The following PPIE variants were observed in gnomAD, a reference collection of about 807,000 sequenced individuals.
PPIE encodes peptidyl-prolyl cis-trans isomerase E.
A neutral mutation model predicts 38.4 loss-of-function variants in PPIE; 20 were observed. The observed-to-expected ratio is 0.52, with a 90% confidence interval of 0.37 to 0.76. PPIE has a LOEUF of 0.76. PPIE is among the 30% of genes least tolerant of loss of function. The pLI, the probability that PPIE is intolerant of heterozygous loss-of-function variation, is 0.00. For synonymous variants in PPIE, 142 were observed against 135.7 expected, an observed-to-expected ratio of 1.05 and a Z score of -0.32; for missense variants, 322 against 385.8, an observed-to-expected ratio of 0.83 and a Z score of 1.39.
chr1:39,760,898 T>A (rs902097911), downstream of PPIE, among the ~76,000 whole-genome samples: 1 of 152,036 alleles, frequency 6.6e-6, no homozygotes, highest in Non-Finnish European at 1.5e-5. Flanking sequence ...GTGGCCAGGT[T>A]TGTGCCCTTA....
intron 2 of PPIE, among the ~76,000 whole-genome samples, 161 bp downstream of exon 2, chr1:39,740,424 A>T (rs1647029831): frequency 6.6e-6 from 1 of 152,232 alleles, no homozygotes; most frequent in Non-Finnish European, 1.5e-5. Flanking sequence ...ATGGAGAAGG[A>T]ATGTTCTGAG....
chr1:39,750,135 GA>G (rs1055262850), intron 8 of PPIE, among the ~76,000 whole-genome samples: 25 of 145,018 alleles, frequency 1.7e-4, no homozygotes, highest in Non-Finnish European at 2.6e-4. Context: ...CTCCGTCTCG[GA>G]AAAAAAAAAA....
At chr1:39,739,329 TC>T (rs1237077501) in intron 1 of PPIE, 1 of 191,454 alleles carries the variant, frequency 5.2e-6, no homozygotes, top group Non-Finnish European at 1.1e-5. Flanking sequence ...TATTCTGACT[TC>T]CTAGCCCGCT....
Position 39,756,341 on chromosome 1 carries a change from T to G in PPIE, c.*2986T>G, listed in dbSNP as rs984167399. The G allele has an allele frequency of 6.1e-6, 6 of 985,436 alleles. No individual in the cohort carries two copies. In the East Asian group the frequency reaches 6.8e-4, roughly 112 times the overall value. 61.0% of individuals were successfully genotyped at this position (985,436 alleles called of 1,614,324 possible). ...CCAGCACCAGGACTGGGCACAGGGC[T>G]TCCTTTTGCTGATTCATTTCCCCCC... On this transcript the variant is annotated 3_prime_UTR_variant, in exon 10 of 10. Coordinates refer to ENST00000324379, the MANE Select transcript of PPIE (RefSeq NM_006112.4).
At position 39,755,153 on chromosome 1, in the gene PPIE, T is replaced by C; in HGVS notation, c.*1798T>C. Reference sequence around the variant, plus strand: ...CCAGGCGGTTATAAAGAATCTCATCTGCTGAAGGCTTTTAGCAGGGACTGA... The same window carrying C: ...CCAGGCGGTTATAAAGAATCTCATCCGCTGAAGGCTTTTAGCAGGGACTGA... On this transcript the variant is annotated 3_prime_UTR_variant, in exon 10 of 10. Coordinates refer to ENST00000324379, the MANE Select transcript of PPIE (RefSeq NM_006112.4). The C allele has an allele frequency of 1.0e-6, 1 of 985,480 alleles. No individual in the cohort carries two copies. Among genetic ancestry groups the C allele is most frequent in the South Asian group, 4.7e-5 (1 of 21,288 alleles). The allele number at this position is 985,480 out of a possible 1,614,324, so 61.0% of individuals were successfully genotyped here.
intron 9 of PPIE, chr1:39,762,451 C>A: frequency 6.7e-7 from 1 of 1,483,938 alleles, no homozygotes; most frequent in Non-Finnish European, 9.0e-7. Context: ...AATCCACAAA[C>A]ACACAGAGCA....
At chr1:39,750,801 AGCCTGTTACCCTGT>A (rs932495227) in intron 8 of PPIE, among the ~76,000 whole-genome samples, 9 of 152,174 alleles carry the variant, frequency 5.9e-5, no homozygotes, top group Middle Eastern at 3.2e-3. Flanking sequence ...GTTCTCCAGA[AGCCTGTTACCCTGT>A]GCTCCGTTTT....
In PPIE at chr1:39,756,151, GCAGCTGCAC is replaced by G; in HGVS notation, c.*2798_*2806del. 1.0e-6 allele frequency: 1 copy of G among 985,456 alleles called. No homozygotes were observed. The highest frequency in any genetic ancestry group is 1.2e-6 in the Non-Finnish European group (1 of 829,936). 61.0% of individuals were successfully genotyped at this position (985,456 alleles called of 1,614,324 possible). A position where few individuals can be genotyped will look rare whatever the true frequency, so the allele number is the denominator to read the frequency against. The stretch of plus-strand genomic sequence containing the variant: ...ACCTGCTTCGGCTACGCACCATGCA[GCAGCTGCAC>G]CTGGCTGCCTCGGGAAAACTCTGAC... On this transcript the variant is annotated 3_prime_UTR_variant, in exon 10 of 10. Transcript: ENST00000324379.
intron 9 of PPIE, 91 bp downstream of exon 9, chr1:39,753,143 A>G: frequency 6.3e-7 from 1 of 1,593,158 alleles, no homozygotes; most frequent in Non-Finnish European, 8.6e-7. Flanking sequence ...CCTGAGAGAG[A>G]TGGCCAGGGG....
chr1:39,749,176 C>G, intron 8 of PPIE, 88 bp downstream of exon 8: 1 of 1,373,390 alleles, frequency 7.3e-7, no homozygotes, highest in South Asian at 1.4e-5. Flanking sequence ...GTAGTTCTGG[C>G]TGGCGGACAC....
intron 2 of PPIE, among the ~76,000 whole-genome samples, chr1:39,740,703 C>A (rs770875341): frequency 1.3e-5 from 2 of 152,138 alleles, no homozygotes; most frequent in African/African-American, 4.8e-5. Context: ...GGTTTCCCAT[C>A]GATTGGTATC....
chr1:39,745,510 G>T lies in PPIE; in HGVS notation c.508+12G>T. 2 of 1,614,214 alleles carry T rather than the reference G, an allele frequency of 1.2e-6. No homozygotes were observed. The highest frequency in any genetic ancestry group is 2.2e-5 in the South Asian group (2 of 91,082). On this transcript the variant is annotated intron_variant, in intron 7 of 9. Coordinates refer to ENST00000324379, the MANE Select transcript of PPIE (RefSeq NM_006112.4). The stretch of plus-strand genomic sequence containing the variant: ...GCCCATGACAGCAGGTGAGCAGGAC[G>T]CTGTGGTCAGAACGGCGGGACGCTG...
In PPIE at chr1:39,762,956, C is replaced by T. The variant is rs189761749; in HGVS notation, c.838-733C>T. The stretch of plus-strand genomic sequence containing the variant: ...CTGCAGAGCTGTGGGAAGTTAGCGA[C>T]GTTACTGACTGTGCAGACAAAGCCC... On this transcript the variant is annotated intron_variant, in intron 9 of 9. Coordinates refer to the PPIE transcript ENST00000356511. 74 of 1,121,674 alleles carry T rather than the reference C, an allele frequency of 6.6e-5. 2 individuals carry two copies. In the South Asian group the frequency reaches 8.5e-4, roughly 13 times the overall value. 69.5% of individuals were successfully genotyped at this position (1,121,674 alleles called of 1,614,324 possible).
In PPIE at chr1:39,740,167, G is replaced by A; in HGVS notation, c.34G>A (p.Gly12Arg). 1.9e-6 allele frequency: 3 copies of A among 1,613,766 alleles called. No individual in the cohort carries two copies. Among genetic ancestry groups the A allele is most frequent in the East Asian group, 2.2e-5 (1 of 44,886 alleles). Residue 12 changes from glycine (G) to arginine (R), a missense_variant and splice_region_variant, in exon 2 of 10, where the codon GGA becomes AGA. Gly to Arg is a moderately radical substitution (Grantham distance 125, BLOSUM62 -2). Transcript: ENST00000324379. ...ATTKRVLYVG[G>R]LAEEVDDKVL... is the part of the protein sequence containing the mutation. ...GAAGGCCCTTGGCTTATTTGCAGGTGGACTGGCAGAGGAAGTGGACGACAA... is the reference window on the plus strand; with the variant it reads ...GAAGGCCCTTGGCTTATTTGCAGGTAGACTGGCAGAGGAAGTGGACGACAA...
intron 9 of PPIE, chr1:39,763,153 T>A: frequency 6.2e-7 from 1 of 1,613,716 alleles, no homozygotes; most frequent in Non-Finnish European, 8.5e-7. Context: ...GAAGGAGCAC[T>A]CCCCCTCACA....
intron 4 of PPIE, chr1:39,742,208 C>A (rs569020467): frequency 3.6e-4 from 132 of 363,844 alleles, no homozygotes; most frequent in African/African-American, 2.7e-3. Flanking sequence ...ATTGATTGCA[C>A]GGTGTAACTG....
chr1:39,755,871 C>G lies in PPIE; in HGVS notation c.*2516C>G. On this transcript the variant is annotated 3_prime_UTR_variant, in exon 10 of 10. Transcript: ENST00000324379. ...ATTGGCGTGACTGCCAAAGGTCACA[C>G]AGGGTGGTTTGGCAGAGCTGGGATT... The G allele has an allele frequency of 1.0e-6, 1 of 985,300 alleles. No individual in the cohort carries two copies. Among genetic ancestry groups the G allele is most frequent in the South Asian group, 4.7e-5 (1 of 21,282 alleles). The allele number at this position is 985,300 out of a possible 1,614,324, so 61.0% of individuals were successfully genotyped here. A position where few individuals can be genotyped will look rare whatever the true frequency, so the allele number is the denominator to read the frequency against.
chr1:39,742,059 C>T, intron 4 of PPIE, 138 bp downstream of exon 4: 1 of 818,618 alleles, frequency 1.2e-6, no homozygotes, highest in Non-Finnish European at 2.0e-6. Flanking sequence ...AAAATATTCA[C>T]TGTGAATTGA....
intron 8 of PPIE, among the ~76,000 whole-genome samples, chr1:39,751,405 G>T (rs1456344263): frequency 6.6e-6 from 1 of 152,154 alleles, no homozygotes; most frequent in Non-Finnish European, 1.5e-5. Context: ...TGTTGCTCAG[G>T]CTGGAGTGCA....
Sources: gnomAD v4.1 joint callset for allele counts (sites outside exome capture counted in the v4.1 genomes callset) on GRCh38, gnomAD v4.1.1 for gene constraint, MANE v1.5 for transcripts, NCBI Gene and HGNC (gene_info 2026-07-23, HGNC 2026-07-21) for gene names.